ZP2: variants seen among roughly 807,000 people sequenced by gnomAD.
ZP2 encodes the protein zona pellucida sperm-binding protein 2.
In ZP2, 51 loss-of-function variants were observed where a neutral mutation model predicts 84.0. The ratio of observed to expected loss-of-function variants is 0.61; its 90% CI spans 0.49 to 0.77. The LOEUF is 0.77. ZP2 is among the 30% of genes least tolerant of loss of function. The pLI is 0.00. For missense variants in ZP2, 909 were observed against 911.9 expected (o/e 1.00, Z 0.04); for synonymous variants, 375 against 330.9 (o/e 1.13, Z -1.45).
intron 4 of ZP2, 23 bp from the exon 5 acceptor site, chr16:21,207,013 G>A: frequency 6.2e-7 from 1 of 1,613,682 alleles, no homozygotes; most frequent in East Asian, 2.2e-5. Context: ...AGCACAGTGG[G>A]AACAGAGTAA....
chr16:21,198,092 ATTT>A (rs34614859), intron 17 of ZP2: 1,840 of 253,196 alleles, frequency 7.3e-3, no homozygotes, highest in South Asian at 0.012. Flanking sequence ...ATTCAAGAGG[ATTT>A]TTTTTTTTTT....
At position 21,201,475 on chromosome 16, in the gene ZP2, C is replaced by A. The variant is rs142537047; in HGVS notation, c.1588G>T (p.Val530Phe). 2 of 1,613,824 alleles carry A rather than the reference C, an allele frequency of 1.2e-6. No homozygotes were observed. The highest frequency in any genetic ancestry group is 3.3e-5 in the Admixed American group (2 of 59,958). ...ATGTTGGGGTCATCCCTGTTTAGGA[C>A]TCTCACTTCCATGTAAATTGGTTGG... ...LRQPIYMEVRVLNRDDPNIKL... is the reference protein window; with the variant it reads ...LRQPIYMEVRFLNRDDPNIKL... The change falls in exon 14 of 19, where the codon GTC (valine) becomes TTC (phenylalanine). Residue 530 changes from valine (V) to phenylalanine (F), a missense_variant. Val to Phe is a conservative substitution (Grantham distance 50, BLOSUM62 -1). Coordinates refer to ENST00000574091, the MANE Select transcript of ZP2 (RefSeq NM_001376232.1).
At chr16:21,211,603 T>C (rs1567218403), upstream of ZP2, 8 of 1,612,848 alleles carry the variant, frequency 5.0e-6, no homozygotes, top group African/African-American at 1.3e-5. Flanking sequence ...TGTGTTTTTA[T>C]AGCAGGAAGC....
In ZP2 at chr16:21,202,267, TC is replaced by T. The variant is rs1466326842; in HGVS notation, c.1123del (p.Asp375MetfsTer22). ...GTAGACCTCGACGTCCATAAACCCATCCTGGGTGCACAGCTCCCCTGTAACT... is the reference window on the plus strand; with the variant it reads ...GTAGACCTCGACGTCCATAAACCCATCTGGGTGCACAGCTCCCCTGTAACT... ...SIVTGELCTQ[D>X]GFMDVEVYSY... is the part of the protein sequence containing the mutation. On this transcript the variant is annotated frameshift_variant, in exon 11 of 19. Coordinates refer to ENST00000574091, the MANE Select transcript of ZP2 (RefSeq NM_001376232.1). LOFTEE classifies it high-confidence loss of function. The T allele has an allele frequency of 6.5e-7, 1 of 1,535,914 alleles. No homozygotes were observed.
At chr16:21,211,982 C>T (rs1470780210), upstream of ZP2, among the ~76,000 whole-genome samples, 1 of 150,332 alleles carries the variant, frequency 6.7e-6, no homozygotes, top group Non-Finnish European at 1.5e-5. Flanking sequence ...GGCTGGAGTG[C>T]ACTGGTGCAA....
rs761862700 is a variant in ZP2, at chr16:21,199,615, G to A, written c.1882C>T (p.Pro628Ser). 6.8e-6 allele frequency: 11 copies of A among 1,613,622 alleles called. No homozygotes were observed. Among genetic ancestry groups the A allele is most frequent in the African/African-American group, 1.3e-5 (1 of 74,932 alleles). Residue 628 changes from proline (P) to serine (S), a missense_variant, in exon 16 of 19, where the codon CCA becomes TCA. Coordinates refer to ENST00000574091, the MANE Select transcript of ZP2 (RefSeq NM_001376232.1). ...LICNRLSPDS[P>S]LCSVTCPVSS... is the part of the protein sequence containing the mutation. ...ACAGGGCAGGTCACAGAACACAGTGGGGAGTCAGGGGAGAGTCGATTACAG... is the reference window on the plus strand; with the variant it reads ...ACAGGGCAGGTCACAGAACACAGTGAGGAGTCAGGGGAGAGTCGATTACAG...
intron 4 of ZP2, among the ~76,000 whole-genome samples, chr16:21,207,853 CAAG>C (rs1567216181): frequency 6.6e-6 from 1 of 151,488 alleles, no homozygotes; most frequent in Non-Finnish European, 1.5e-5. Context: ...GACCCTGTCT[CAAG>C]AAGATTAAGA....
intron 7 of ZP2, among the ~76,000 whole-genome samples, 187 bp from the exon 8 acceptor site, chr16:21,204,591 T>C (rs1159275534): frequency 6.6e-6 from 1 of 152,238 alleles, no homozygotes; most frequent in Non-Finnish European, 1.5e-5. Context: ...TGTTCTAACA[T>C]CTGGAAGAAT....
intron 17 of ZP2, among the ~76,000 whole-genome samples, chr16:21,198,564 A>G (rs112867392): frequency 3.3e-4 from 51 of 152,338 alleles, no homozygotes; most frequent in African/African-American, 1.2e-3. Flanking sequence ...GTTCTAGATC[A>G]GTAGGTAGAA....
upstream of ZP2, among the ~76,000 whole-genome samples, chr16:21,213,431 A>G (rs3826157): frequency 0.26 from 39,826 of 152,116 alleles, 5,413 homozygotes; most frequent in East Asian, 0.38. Flanking sequence ...TTTGAGGTGT[A>G]ACCTGAGGCA....
In ZP2 at chr16:21,203,997, C is replaced by T. The variant is rs184681422; in HGVS notation, c.972+33G>A. ...CAAGAGTATACTTCAAGTCAGGACC[C>T]GGTGGAGTTCAGTGGTTGACAATTG... On this transcript the variant is annotated intron_variant, in intron 9 of 18. Transcript: ENST00000574091. 52 of 1,606,568 alleles carry T rather than the reference C, an allele frequency of 3.2e-5. No homozygotes were observed. In the Admixed American group the frequency reaches 6.7e-4, roughly 21 times the overall value.
intron 4 of ZP2, 26 bp from the exon 5 acceptor site, chr16:21,207,016 C>G (rs201337042): frequency 1.9e-6 from 3 of 1,613,656 alleles, no homozygotes; most frequent in African/African-American, 2.7e-5. Context: ...ACAGTGGGAA[C>G]AGAGTAAGTA....
At chr16:21,209,258 C>T (rs1340249508) in intron 4 of ZP2, among the ~76,000 whole-genome samples, 1 of 152,170 alleles carries the variant, frequency 6.6e-6, no homozygotes, top group Non-Finnish European at 1.5e-5. Flanking sequence ...ACCTCTGTCC[C>T]CTGGGTTTAA....
upstream of ZP2, among the ~76,000 whole-genome samples, chr16:21,214,073 T>C (rs1289628875): frequency 6.6e-6 from 1 of 151,778 alleles, no homozygotes; most frequent in Non-Finnish European, 1.5e-5. Context: ...GTTTTTGCCT[T>C]GGAAAGGGCA....
In ZP2 at chr16:21,203,113, A is replaced by G. The variant is rs1343864906; in HGVS notation, c.1099+12T>C. 3 of 1,608,446 alleles carry G rather than the reference A, an allele frequency of 1.9e-6. No individual in the cohort carries two copies. In the East Asian group the frequency reaches 6.7e-5, roughly 36 times the overall value. Reference sequence around the variant, plus strand: ...AAAAAGGTAGAACATGATTTTAATAAAAGGTCTTTACCTATAGAAACGGGT... The same window carrying G: ...AAAAAGGTAGAACATGATTTTAATAGAAGGTCTTTACCTATAGAAACGGGT... On this transcript the variant is annotated intron_variant, in intron 10 of 18. Coordinates refer to ENST00000574091, the MANE Select transcript of ZP2 (RefSeq NM_001376232.1).
Position 21,201,356 on chromosome 16 carries a change from A to G in ZP2, c.1694+13T>C. 6.5e-7 allele frequency: 1 copy of G among 1,546,474 alleles called. No individual in the cohort carries two copies. Among genetic ancestry groups the G allele is most frequent in the African/African-American group, 1.4e-5 (1 of 73,256 alleles). ...GATTAGCTGGGTAACCTGATAGTAC[A>G]GGGAGTACCTACCCATCCACGACAA... On this transcript the variant is annotated intron_variant, in intron 14 of 18. Coordinates refer to ENST00000574091, the MANE Select transcript of ZP2 (RefSeq NM_001376232.1).
chr16:21,209,841 G>T, intron 3 of ZP2, 116 bp from the exon 4 acceptor site: 2 of 904,342 alleles, frequency 2.2e-6, no homozygotes, highest in Non-Finnish European at 3.5e-6. Flanking sequence ...CTTCACTTCC[G>T]CCCCAACTCA....
intron 4 of ZP2, among the ~76,000 whole-genome samples, chr16:21,207,635 A>AACACACACACACAC (rs10530241): frequency 1.4e-5 from 2 of 143,752 alleles, no homozygotes. Context: ...ATATATATTA[A>AACACACACACACAC]ACACACACAC....
chr16:21,203,986 A>G (rs907233585), intron 9 of ZP2, 44 bp downstream of exon 9: 3 of 1,603,458 alleles, frequency 1.9e-6, no homozygotes, highest in African/African-American at 1.3e-5. Flanking sequence ...AGTATACTTC[A>G]AGTCAGGACC....
Sources: gnomAD v4.1 joint callset for allele counts (sites outside exome capture counted in the v4.1 genomes callset) on GRCh38, gnomAD v4.1.1 for gene constraint, MANE v1.5 for transcripts, NCBI Gene and HGNC (gene_info 2026-07-23, HGNC 2026-07-21) for gene names.